Variants in SYT2 observed in about 807,000 individuals in gnomAD.
SYT2 encodes the protein synaptotagmin-2.
A neutral mutation model predicts 39.9 loss-of-function variants in SYT2; 15 were observed. The observed-to-expected ratio is 0.38, with a 90% CI of 0.25 to 0.58. SYT2 has a LOEUF of 0.58. Among genes scored for constraint, SYT2 ranks in the 20% least tolerant of loss-of-function variants. The probability of loss-of-function intolerance (pLI) is 0.70; values close to 1 mark genes in which losing one functional copy is unlikely to be tolerated. For missense variants in SYT2, 389 were observed against 530.3 expected (o/e 0.73, Z 2.62); for synonymous variants, 181 against 204.5 (o/e 0.89, Z 0.98).
chr1:202,663,961 C>G (rs1692437305), intron 1 of SYT2, among the ~76,000 whole-genome samples: 1 of 152,162 alleles, frequency 6.6e-6, no homozygotes, highest in South Asian at 2.1e-4. Flanking sequence ...TTACAAAACT[C>G]CAGGATTCCA....
At chr1:202,708,978 G>A (rs935421125) in intron 1 of SYT2, among the ~76,000 whole-genome samples, 1 of 152,222 alleles carries the variant, frequency 6.6e-6, no homozygotes, top group African/African-American at 2.4e-5. Flanking sequence ...CAGATTGGAT[G>A]GAGGACAATC....
Position 202,596,658 on chromosome 1 carries a change from A to C in SYT2, c.*99T>G. The C allele has an allele frequency of 8.4e-7, 1 of 1,197,164 alleles. No individual in the cohort carries two copies. 74.2% of individuals were successfully genotyped at this position (1,197,164 alleles called of 1,614,324 possible). On this transcript the variant is annotated 3_prime_UTR_variant, in exon 9 of 9. Transcript: ENST00000367268. ...CAAGGACACAACCACCCAACAAATGAAAGAAAAAAGAAAACCTCTAAGGTT... is the reference window on the plus strand; with the variant it reads ...CAAGGACACAACCACCCAACAAATGCAAGAAAAAAGAAAACCTCTAAGGTT...
chr1:202,642,992 G>T (rs532003127), intron 1 of SYT2, among the ~76,000 whole-genome samples: 1 of 152,362 alleles, frequency 6.6e-6, no homozygotes, highest in Admixed American at 6.5e-5. Flanking sequence ...TAGGTTGGGG[G>T]CTAGGGGTTC....
At position 202,602,060 on chromosome 1, in the gene SYT2, G is replaced by T; in HGVS notation, c.634-3C>A. The T allele has an allele frequency of 6.2e-7, 1 of 1,613,978 alleles. No homozygotes were observed. The highest frequency in any genetic ancestry group is 8.5e-7 in the Non-Finnish European group (1 of 1,179,912). On this transcript the variant is annotated splice_polypyrimidine_tract_variant and splice_region_variant and intron_variant, in intron 5 of 8. Transcript: ENST00000367268. ...CCCCCAAGCTCCTGGTATGGCACCT[G>T]CAGGGCACAAGCAGAATCAGAGGGG...
chr1:202,690,933 T>C (rs1229289719), intron 1 of SYT2, among the ~76,000 whole-genome samples: 1 of 152,110 alleles, frequency 6.6e-6, no homozygotes, highest in Non-Finnish European at 1.5e-5. Context: ...ATCTGGGCAA[T>C]GCTTTTCAGG....
Position 202,672,339 on chromosome 1 carries a change from G to A in SYT2, c.-18+37919C>T, listed in dbSNP as rs567630343. Among the ~76,000 whole-genome samples, 5 of 152,286 alleles carry A rather than the reference G, an allele frequency of 3.3e-5. No homozygotes were observed. In the East Asian group the frequency reaches 7.7e-4, roughly 24 times the overall value. ...TAGGTTTAGATGAGGCCATGAAATGGGGGTCCTCTGCCATGGGAAGAGGAT... is the reference window on the plus strand; with the variant it reads ...TAGGTTTAGATGAGGCCATGAAATGAGGGTCCTCTGCCATGGGAAGAGGAT... On this transcript the variant is annotated intron_variant, in intron 1 of 8. Transcript: ENST00000367268.
intron 1 of SYT2, among the ~76,000 whole-genome samples, chr1:202,661,011 A>G (rs955833466): frequency 6.6e-6 from 1 of 152,134 alleles, no homozygotes. Context: ...CATTCAGCAC[A>G]TGCTTATTGA....
Position 202,626,398 on chromosome 1 carries a change from C to CTTTTT in SYT2, c.-17-20614_-17-20610dup, listed in dbSNP as rs58802666. 1.8e-4 allele frequency among the ~76,000 whole-genome samples: 13 copies of CTTTTT among 72,456 alleles called. 2 individuals carry two copies. The highest frequency in any genetic ancestry group is 1.9e-4 in the African/African-American group (4 of 20,878). 47.5% of individuals were successfully genotyped at this position (72,456 alleles called of 152,430 possible). ...TGCATCTCCCAAGACAGCCTCTCAG[C>CTTTTT]TTTTTTTTTTTTTTTTTTTTTTTTT... is the stretch of plus-strand genomic sequence containing the variant. On this transcript the variant is annotated intron_variant, in intron 1 of 8. Transcript: ENST00000367268.
Position 202,601,759 on chromosome 1 carries a change from G to A in SYT2, c.801+131C>T, listed in dbSNP as rs1690511135. The A allele has an allele frequency of 1.1e-6, 1 of 950,050 alleles. No individual in the cohort carries two copies. The highest frequency in any genetic ancestry group is 1.6e-5 in the African/African-American group (1 of 60,782). The allele number at this position is 950,050 out of a possible 1,614,324, so 58.9% of individuals were successfully genotyped here. A position where few individuals can be genotyped will look rare whatever the true frequency, so the allele number is the denominator to read the frequency against. The stretch of plus-strand genomic sequence containing the variant: ...AACTTGCCCAGGGTCACACAGCCAG[G>A]CAGTGTGGAGCTGGGATCCTAACAC... On this transcript the variant is annotated intron_variant, in intron 6 of 8. Coordinates refer to ENST00000367268, the MANE Select transcript of SYT2 (RefSeq NM_177402.5). This position sits in a 1 kb window ranked among gnomAD's most constrained non-coding sequence, Gnocchi z 4.0.
chr1:202,701,841 G>A (rs959374606), intron 1 of SYT2, among the ~76,000 whole-genome samples: 7 of 152,186 alleles, frequency 4.6e-5, no homozygotes, highest in Non-Finnish European at 1.0e-4. Context: ...CCTGTTCCCT[G>A]TGTGTTACTG....
chr1:202,710,316 G>A lies in SYT2; in HGVS notation c.-76C>T, dbSNP rs1486957779. On this transcript the variant is annotated 5_prime_UTR_variant, in exon 1 of 9. Coordinates refer to ENST00000367268, the MANE Select transcript of SYT2 (RefSeq NM_177402.5). ...GGGGTCTCCAATGTGAGGGGGCGTC[G>A]GACGGCAAGGACGCGTGGCTGGCGA... is the stretch of plus-strand genomic sequence containing the variant. The A allele has an allele frequency of 6.6e-6, 1 of 152,248 alleles. No individual in the cohort carries two copies. Among genetic ancestry groups the A allele is most frequent in the South Asian group, 2.1e-4 (1 of 4,830 alleles). 9.4% of individuals were successfully genotyped at this position (152,248 alleles called of 1,614,324 possible).
At chr1:202,697,753 ATATAAGG>A (rs1654010524) in intron 1 of SYT2, among the ~76,000 whole-genome samples, 1 of 152,240 alleles carries the variant, frequency 6.6e-6, no homozygotes, top group Non-Finnish European at 1.5e-5. Flanking sequence ...AATAATCACC[ATATAAGG>A]TATATGTATG....
At chr1:202,630,359 C>T (rs1022979385) in intron 1 of SYT2, 85 of 984,964 alleles carry the variant, frequency 8.6e-5, no homozygotes, top group Non-Finnish European at 9.8e-5. Flanking sequence ...AATAGAGCGC[C>T]GTGCATCCCA....
At chr1:202,615,388 C>T (rs1183637617) in intron 1 of SYT2, among the ~76,000 whole-genome samples, 1 of 152,136 alleles carries the variant, frequency 6.6e-6, no homozygotes, top group Admixed American at 6.5e-5. Context: ...AGACCAGAAG[C>T]CTTGGGGTCA....
Position 202,686,299 on chromosome 1 carries a change from A to T in SYT2, c.-18+23959T>A, listed in dbSNP as rs1333321572. On this transcript the variant is annotated intron_variant, in intron 1 of 8. Coordinates refer to ENST00000367268, the MANE Select transcript of SYT2 (RefSeq NM_177402.5). Reference sequence around the variant, plus strand: ...TTTCTTATAAATTACCCAGCCGCAGATATTTCCTTATAACAACATAAGAAT... The same window carrying T: ...TTTCTTATAAATTACCCAGCCGCAGTTATTTCCTTATAACAACATAAGAAT... Among the ~76,000 whole-genome samples the T allele has an allele frequency of 2.0e-5, 3 of 152,304 alleles. No individual in the cohort carries two copies. The South Asian group carries it at 6.2e-4, about 32-fold the overall frequency.
chr1:202,675,513 G>T (rs1284213943), intron 1 of SYT2, among the ~76,000 whole-genome samples: 1 of 152,118 alleles, frequency 6.6e-6, no homozygotes, highest in Non-Finnish European at 1.5e-5. Context: ...TTCCCAAGGG[G>T]CTGGAGTCAC....
chr1:202,644,316 A>G (rs1572653723), intron 1 of SYT2, among the ~76,000 whole-genome samples: 1 of 151,700 alleles, frequency 6.6e-6, no homozygotes, highest in African/African-American at 2.4e-5. Context: ...CGGACCCGAC[A>G]CCTCCCACCT....
At chr1:202,699,420 CCA>C (rs1245936004) in intron 1 of SYT2, among the ~76,000 whole-genome samples, 1 of 152,188 alleles carries the variant, frequency 6.6e-6, no homozygotes, top group Non-Finnish European at 1.5e-5. Flanking sequence ...AAACAGTGGA[CCA>C]CCTGACTCCC....
At chr1:202,683,150 C>T (rs987824423) in intron 1 of SYT2, among the ~76,000 whole-genome samples, 4 of 152,128 alleles carry the variant, frequency 2.6e-5, no homozygotes, top group African/African-American at 9.7e-5. Flanking sequence ...TGTAAGTTGG[C>T]AAAAGCATTT....
Sources: gnomAD v4.1 joint callset for allele counts (sites outside exome capture counted in the v4.1 genomes callset) on GRCh38, gnomAD v4.1.1 for gene constraint, Gnocchi (gnomAD v3.1) non-coding constraint, MANE v1.5 for transcripts, NCBI Gene and HGNC (gene_info 2026-07-23, HGNC 2026-07-21) for gene names.